Variants in TSPAN5 observed in about 807,000 individuals in gnomAD.
TSPAN5 encodes the protein tetraspanin-5.
TSPAN5 carries 10 observed loss-of-function variants against 37.1 expected under a neutral mutation model. The observed-to-expected ratio is 0.27, with a 90% CI of 0.17 to 0.46. The LOEUF (loss-of-function observed/expected upper bound fraction) is 0.46. TSPAN5 is among the 20% of genes least tolerant of loss of function. TSPAN5 has a pLI of 1.00. For synonymous variants in TSPAN5, 110 were observed against 118.9 expected, an observed-to-expected ratio of 0.93 and a Z score of 0.48; for missense variants, 195 against 326.6, an observed-to-expected ratio of 0.60 and a Z score of 3.11.
intron 1 of TSPAN5, among the ~76,000 whole-genome samples, chr4:98,588,036 T>C (rs1028105794): frequency 6.6e-6 from 1 of 152,118 alleles, no homozygotes; most frequent in African/African-American, 2.4e-5. Context: ...TCACTTTGAG[T>C]TCCTAAATGA....
chr4:98,520,728 T>C (rs531451147), intron 1 of TSPAN5, among the ~76,000 whole-genome samples: 2 of 152,328 alleles, frequency 1.3e-5, no homozygotes, highest in East Asian at 1.9e-4. Context: ...ATATGTTGCA[T>C]AGATACAGGA....
intron 1 of TSPAN5, among the ~76,000 whole-genome samples, chr4:98,650,836 A>C (rs1757171806): frequency 6.6e-6 from 1 of 152,232 alleles, no homozygotes; most frequent in Non-Finnish European, 1.5e-5. Flanking sequence ...GATGGTGCTC[A>C]AAGACTGATG....
At chr4:98,473,778 G>T (rs1186932996) in intron 7 of TSPAN5, among the ~76,000 whole-genome samples, 1 of 151,970 alleles carries the variant, frequency 6.6e-6, no homozygotes, top group Non-Finnish European at 1.5e-5. Context: ...ATTTTTGTTT[G>T]TTTGTTTGTT....
intron 1 of TSPAN5, among the ~76,000 whole-genome samples, chr4:98,645,881 A>C (rs1194620726): frequency 6.6e-6 from 1 of 152,150 alleles, no homozygotes; most frequent in African/African-American, 2.4e-5. Flanking sequence ...CTTTTTTACT[A>C]ATAAAAACTA....
intron 1 of TSPAN5, among the ~76,000 whole-genome samples, chr4:98,635,288 G>A (rs951386111): frequency 6.6e-6 from 1 of 152,190 alleles, no homozygotes; most frequent in Non-Finnish European, 1.5e-5. Flanking sequence ...ATCCCATGGG[G>A]AACTCAAAGA....
At chr4:98,575,798 G>A (rs959336723) in intron 1 of TSPAN5, among the ~76,000 whole-genome samples, 8 of 150,520 alleles carry the variant, frequency 5.3e-5, no homozygotes, top group Non-Finnish European at 1.0e-4. Context: ...GTGGCTGGGC[G>A]TGGTGGCTCA....
chr4:98,628,387 G>A (rs964598482), intron 1 of TSPAN5, among the ~76,000 whole-genome samples: 5 of 152,166 alleles, frequency 3.3e-5, no homozygotes, highest in Admixed American at 3.3e-4. Flanking sequence ...GACAACAGGA[G>A]CATCTATAGA....
chr4:98,566,124 C>T (rs988610641), intron 1 of TSPAN5, among the ~76,000 whole-genome samples: 1 of 152,130 alleles, frequency 6.6e-6, no homozygotes, highest in African/African-American at 2.4e-5. Flanking sequence ...CCGGTGAAAA[C>T]GTTATTTCCC....
chr4:98,549,535 G>C (rs930302006), intron 1 of TSPAN5, among the ~76,000 whole-genome samples: 2 of 152,006 alleles, frequency 1.3e-5, no homozygotes, highest in African/African-American at 4.8e-5. Flanking sequence ...TCCTGACCTT[G>C]TGATCTGCCC....
At chr4:98,533,619 T>C (rs1475811849) in intron 1 of TSPAN5, among the ~76,000 whole-genome samples, 21 of 136,644 alleles carry the variant, frequency 1.5e-4, no homozygotes, top group Admixed American at 1.3e-3. Flanking sequence ...GGCGCGATCT[T>C]GGCTCACTGC....
intron 1 of TSPAN5, among the ~76,000 whole-genome samples, chr4:98,525,719 T>C (rs563850070): frequency 2.6e-5 from 4 of 152,176 alleles, no homozygotes; most frequent in Admixed American, 6.5e-5. Context: ...ATATTAAAAG[T>C]GTTTTGAATC....
intron 1 of TSPAN5, among the ~76,000 whole-genome samples, chr4:98,540,498 C>A (rs4699649): frequency 6.6e-6 from 1 of 152,096 alleles, no homozygotes; most frequent in Non-Finnish European, 1.5e-5. Context: ...CCACCATGCC[C>A]AGCTAATTTT....
At chr4:98,601,756 C>A (rs181715117) in intron 1 of TSPAN5, among the ~76,000 whole-genome samples, 140 of 152,340 alleles carry the variant, frequency 9.2e-4, no homozygotes, top group Middle Eastern at 3.4e-3. Context: ...GTATTCACAA[C>A]TTGGCTAATG....
At chr4:98,525,439 G>A (rs538291377) in intron 1 of TSPAN5, among the ~76,000 whole-genome samples, 2 of 152,300 alleles carry the variant, frequency 1.3e-5, no homozygotes, top group African/African-American at 4.8e-5. Context: ...GAGTGAGTGT[G>A]GATGTGTGAT....
intron 7 of TSPAN5, among the ~76,000 whole-genome samples, chr4:98,473,374 G>A (rs57719969): frequency 6.6e-6 from 1 of 151,848 alleles, no homozygotes. Flanking sequence ...CCGCTTTAAC[G>A]AGTATGAAAT....
chr4:98,587,361 G>A (rs1755514916), intron 1 of TSPAN5, among the ~76,000 whole-genome samples: 1 of 152,152 alleles, frequency 6.6e-6, no homozygotes, highest in Non-Finnish European at 1.5e-5. Flanking sequence ...TGCAGACAAA[G>A]CCCCACTGTG....
rs540415338 is a variant in TSPAN5, at chr4:98,501,423, A to C, written c.132+6255T>G. ...AAGCAATACCTCTTGAATACTTGCT[A>C]TGTGCCATCTAACATTCTAGGTACT... is the stretch of plus-strand genomic sequence containing the variant. On this transcript the variant is annotated intron_variant, in intron 2 of 7. Coordinates refer to ENST00000305798, the MANE Select transcript of TSPAN5 (RefSeq NM_005723.4). 9.8e-5 allele frequency among the ~76,000 whole-genome samples: 15 copies of C among 152,332 alleles called. No individual in the cohort carries two copies. The South Asian group carries it at 2.9e-3, about 29-fold the overall frequency.
chr4:98,575,914 C>CA (rs1432010463), intron 1 of TSPAN5, among the ~76,000 whole-genome samples: 3 of 151,844 alleles, frequency 2.0e-5, no homozygotes, highest in African/African-American at 7.2e-5. Flanking sequence ...ACTAAAAATA[C>CA]AAAAAATAGC....
intron 1 of TSPAN5, among the ~76,000 whole-genome samples, chr4:98,643,643 T>C (rs1290847698): frequency 6.6e-6 from 1 of 152,212 alleles, no homozygotes. Context: ...GTTTCAAATC[T>C]TCACTGGACA....
Sources: allele counts gnomAD v4.1 joint callset (sites outside exome capture counted in the v4.1 genomes callset), GRCh38; gene constraint gnomAD v4.1.1; transcripts MANE v1.5; gene names NCBI Gene and HGNC (gene_info 2026-07-23, HGNC 2026-07-21).